Variants in ADCY3 observed in about 807,000 individuals in gnomAD.
The protein encoded by ADCY3 is adenylate cyclase type 3.
Under a neutral mutation model 119.4 loss-of-function variants are expected in ADCY3, and 70 were observed. The observed-to-expected ratio is 0.59, with a 90% confidence interval of 0.48 to 0.72. The LOEUF is 0.72. Ranked by LOEUF, ADCY3 falls within the 30% of genes least tolerant of loss-of-function variation. The pLI is 0.00. For missense variants in ADCY3, 1,238 were observed against 1,541.6 expected (o/e 0.80, Z 3.30); for synonymous variants, 672 against 621.4 (o/e 1.08, Z -1.21).
At position 24,823,365 on chromosome 2, in the gene ADCY3, G is replaced by A. The variant is rs1229084656; in HGVS notation, c.2737-10C>T. The A allele has an allele frequency of 4.3e-6, 7 of 1,609,288 alleles. No individual in the cohort carries two copies. The highest frequency in any genetic ancestry group is 5.9e-6 in the Non-Finnish European group (7 of 1,178,700). On this transcript the variant is annotated splice_polypyrimidine_tract_variant and intron_variant, in intron 17 of 21. Coordinates refer to ENST00000679454, the MANE Select transcript of ADCY3 (RefSeq NM_004036.5). The stretch of plus-strand genomic sequence containing the variant: ...TCTGGCTATACAGCTCCTAAAAAGA[G>A]GTGCGGACAACGTGCTCAAAGCATG...
intron 2 of ADCY3, among the ~76,000 whole-genome samples, chr2:24,912,493 C>T (rs1663841935): frequency 6.6e-6 from 1 of 152,084 alleles, no homozygotes; most frequent in Admixed American, 6.5e-5. Context: ...CCAGCCATTC[C>T]ATCTGACGGA....
rs1316919463 is a variant in ADCY3 at position 24,821,643 on chromosome 2, G to A, written c.3004-3C>T. On this transcript the variant is annotated splice_polypyrimidine_tract_variant and splice_region_variant and intron_variant, in intron 19 of 21. Coordinates refer to ENST00000679454, the MANE Select transcript of ADCY3 (RefSeq NM_004036.5). ...CGCTCTCTCTCGGACTTGTCTTCCT[G>A]TGCCAGGGGACCGTGGAGAAAGTGT... is the stretch of plus-strand genomic sequence containing the variant. 4 of 1,613,760 alleles carry A rather than the reference G, an allele frequency of 2.5e-6. No homozygotes were observed. In the African/African-American group the frequency reaches 5.3e-5, roughly 22 times the overall value.
At chr2:24,831,244 A>C (rs1199775681) in intron 12 of ADCY3, among the ~76,000 whole-genome samples, 1 of 148,880 alleles carries the variant, frequency 6.7e-6, no homozygotes, top group African/African-American at 2.5e-5. Flanking sequence ...AAAAAAAAAA[A>C]CTCTGCTTGG....
intron 2 of ADCY3, among the ~76,000 whole-genome samples, chr2:24,911,626 GGA>G (rs1224935267): frequency 2.1e-5 from 2 of 93,570 alleles, no homozygotes; most frequent in Admixed American, 2.0e-4. Context: ...CTCCAGCCTG[GGA>G]GACAGACTCA....
rs1175233235 is a variant in ADCY3, at chr2:24,878,022, G to GT, written c.676-5304dup. On this transcript the variant is annotated intron_variant, in intron 2 of 21. Transcript: ENST00000679454. The surrounding 1 kb of genome is among the most constrained non-coding windows in gnomAD (Gnocchi z 4.0). The stretch of plus-strand genomic sequence containing the variant: ...CTGCACAGCACGATCAGGCTCTGTG[G>GT]TGACAGAGGTCCACAGCCCCTGGGG... 1.9e-5 allele frequency: 9 copies of GT among 463,602 alleles called. No individual in the cohort carries two copies. The Admixed American group carries it at 2.2e-4, about 11-fold the overall frequency. The allele number at this position is 463,602 out of a possible 1,614,324, so 28.7% of individuals were successfully genotyped here.
chr2:24,897,555 C>A (rs1022379240), intron 2 of ADCY3, among the ~76,000 whole-genome samples: 1 of 152,168 alleles, frequency 6.6e-6, no homozygotes, highest in Non-Finnish European at 1.5e-5. Flanking sequence ...CAGTGCCCGG[C>A]GCGAAACAGG....
At chr2:24,867,671 T>G (rs1674470072) in intron 3 of ADCY3, among the ~76,000 whole-genome samples, 1 of 152,178 alleles carries the variant, frequency 6.6e-6, no homozygotes, top group East Asian at 1.9e-4. Flanking sequence ...TGGAGAGAAT[T>G]TGGTACCAAG....
intron 2 of ADCY3, among the ~76,000 whole-genome samples, chr2:24,904,787 A>C (rs1184409045): frequency 1.3e-5 from 2 of 151,618 alleles, no homozygotes; most frequent in African/African-American, 4.8e-5. Context: ...GATTACAGGC[A>C]TGCACCACCA....
chr2:24,824,887 C>T (rs530534400), intron 16 of ADCY3, among the ~76,000 whole-genome samples: 6 of 152,188 alleles, frequency 3.9e-5, no homozygotes, highest in South Asian at 4.1e-4. Context: ...GAGACTCAGT[C>T]TCAAAAAAAG....
chr2:24,888,253 C>T (rs1677295012), intron 2 of ADCY3, among the ~76,000 whole-genome samples: 1 of 152,262 alleles, frequency 6.6e-6, no homozygotes, highest in Admixed American at 6.5e-5. Context: ...AGGTGGAATG[C>T]TGCCTGTGTC....
At chr2:24,908,878 G>A (rs1045053825) in intron 2 of ADCY3, among the ~76,000 whole-genome samples, 2 of 144,506 alleles carry the variant, frequency 1.4e-5, no homozygotes, top group African/African-American at 5.7e-5. Flanking sequence ...GGTTACAGAT[G>A]TCCCATGCTG....
At chr2:24,884,661 G>C (rs1213166395) in intron 2 of ADCY3, among the ~76,000 whole-genome samples, 2 of 151,824 alleles carry the variant, frequency 1.3e-5, no homozygotes, top group African/African-American at 2.4e-5. Context: ...ATTTTTAGTA[G>C]AGACAGGGTT....
chr2:24,868,504 A>C (rs1674583682), intron 3 of ADCY3, among the ~76,000 whole-genome samples: 1 of 151,986 alleles, frequency 6.6e-6, no homozygotes, highest in Non-Finnish European at 1.5e-5. Context: ...ACAAAAAATT[A>C]GCCGGGCGTG....
Position 24,920,035 on chromosome 2 carries a change from G to T in ADCY3, c.-550C>A, listed in dbSNP as rs2149104183. On this transcript the variant is annotated 5_prime_UTR_variant, in exon 1 of 22. Coordinates refer to ENST00000679454, the MANE Select transcript of ADCY3 (RefSeq NM_004036.5). The surrounding 1 kb of genome is among the most constrained non-coding windows in gnomAD (Gnocchi z 4.5). ...GGGCGGCGGCGAGCGCGGCTCTCCG[G>T]ACCCCTCCCCTGCACCCGCGGCGGC... 6.8e-6 allele frequency among the ~76,000 whole-genome samples: 1 copy of T among 146,278 alleles called. No individual in the cohort carries two copies. The highest frequency in any genetic ancestry group is 2.0e-4 in the East Asian group (1 of 5,020).
At position 24,898,388 on chromosome 2, in the gene ADCY3, CACTG is replaced by C. The variant is rs1009303439; in HGVS notation, c.675+19921_675+19924del. Among the ~76,000 whole-genome samples, 1 of 152,020 alleles carries C rather than the reference CACTG, an allele frequency of 6.6e-6. No homozygotes were observed. Among genetic ancestry groups the C allele is most frequent in the Non-Finnish European group, 1.5e-5 (1 of 68,010 alleles). On this transcript the variant is annotated intron_variant, in intron 2 of 21. Coordinates refer to ENST00000679454, the MANE Select transcript of ADCY3 (RefSeq NM_004036.5). This position sits in a 1 kb window ranked among gnomAD's most constrained non-coding sequence, Gnocchi z 4.3. ...ACTGTCTGCGGGATGGGAGTCGGGA[CACTG>C]ACTGTGTGGGAATGCACCTATGCAG...
In ADCY3 at chr2:24,827,568, G is replaced by A. The variant is rs1668799827; in HGVS notation, c.2473C>T (p.Pro825Ser). ...VALEQMQGFN[P>S]GLNGTDRLPL... ...TACCTGTCAGTGCCATTGAGCCCAG[G>A]GTTGAATCCTTGCATCTGCTCTAAG... Residue 825 changes from proline (P) to serine (S), a missense_variant, in exon 15 of 22, where the codon CCT becomes TCT. Physicochemically the swap from Pro to Ser is moderately conservative, Grantham distance 74. Transcript: ENST00000679454. 6.3e-7 allele frequency: 1 copy of A among 1,589,526 alleles called. No homozygotes were observed. Among genetic ancestry groups the A allele is most frequent in the Non-Finnish European group, 8.6e-7 (1 of 1,165,138 alleles).
chr2:24,871,447 AG>A (rs1034809992), intron 3 of ADCY3, among the ~76,000 whole-genome samples: 13 of 152,168 alleles, frequency 8.5e-5, no homozygotes, highest in Admixed American at 6.5e-4. Context: ...GTAAACGGGG[AG>A]GAAGAAAACA....
rs1308142692 is a variant in ADCY3 at position 24,834,815 on chromosome 2, A to G, written c.1784T>C (p.Leu595Pro). The G allele has an allele frequency of 6.2e-7, 1 of 1,613,700 alleles. No individual in the cohort carries two copies. The highest frequency in any genetic ancestry group is 8.5e-7 in the Non-Finnish European group (1 of 1,179,954). ...TTACACTTGGGCGGACTCTCGCTCAAGCAGGGCCTCGTTGAGCAGCTGGTT... is the reference window on the plus strand; with the variant it reads ...TTACACTTGGGCGGACTCTCGCTCAGGCAGGGCCTCGTTGAGCAGCTGGTT... ...ELNQLLNEAL[L>P]ERESAQVVKK... Residue 595 changes from leucine to proline, a missense_variant, in exon 10 of 22, where the codon CTT becomes CCT. Leu to Pro is a moderately conservative substitution (Grantham distance 98). Transcript: ENST00000679454. This position sits in a 1 kb window ranked among gnomAD's most constrained non-coding sequence, Gnocchi z 4.2.
chr2:24,850,833 A>G (rs544841285), intron 3 of ADCY3, among the ~76,000 whole-genome samples: 7 of 152,220 alleles, frequency 4.6e-5, no homozygotes, highest in Non-Finnish European at 7.3e-5. Context: ...AAACAACAGT[A>G]TTGTTTATCA....
Sources: allele counts gnomAD v4.1 joint callset (sites outside exome capture counted in the v4.1 genomes callset), GRCh38; gene constraint gnomAD v4.1.1; non-coding constraint Gnocchi (gnomAD v3.1); transcripts MANE v1.5; gene names NCBI Gene and HGNC (gene_info 2026-07-23, HGNC 2026-07-21).